Variants in MTMR10 observed in about 807,000 individuals in gnomAD.
The protein encoded by MTMR10 is myotubularin related protein 10, also known as myotubularin-related protein 10.
Under a neutral mutation model 88.1 loss-of-function variants are expected in MTMR10, and 56 were observed. The ratio of observed to expected loss-of-function variants is 0.64; its 90% CI spans 0.51 to 0.79. MTMR10 has a LOEUF of 0.79. Among genes scored for constraint, MTMR10 ranks in the 30% least tolerant of loss-of-function variants. MTMR10 has a pLI of 0.00. For missense variants in MTMR10, 883 were observed against 924.7 expected (o/e 0.95, Z 0.58); for synonymous variants, 380 against 340.9 (o/e 1.11, Z -1.26).
At chr15:30,991,217 G>T (rs2031300594) in intron 1 of MTMR10, 2 of 491,396 alleles carry the variant, frequency 4.1e-6, no homozygotes, top group Non-Finnish European at 7.0e-6. Flanking sequence ...AACTACGGAC[G>T]ACAGAACTTC....
the MTMR10 span, chr15:30,920,404 G>A: frequency 1.8e-5 from 11 of 621,456 alleles, no homozygotes; most frequent in East Asian, 1.8e-4. Context: ...GGTTTGTGGT[G>A]TAGAAAATTG....
Position 30,940,375 on chromosome 15 carries a change from G to C in MTMR10, c.*1095C>G. ...TGGGGGCTGGGGGAGCACTTCTGTC[G>C]CTATTCAAATGGCAGTGTTTTGAGA... On this transcript the variant is annotated 3_prime_UTR_variant, in exon 16 of 16. Coordinates refer to ENST00000435680, the MANE Select transcript of MTMR10 (RefSeq NM_017762.3). 1 of 985,374 alleles carries C rather than the reference G, an allele frequency of 1.0e-6. No homozygotes were observed. The highest frequency in any genetic ancestry group is 1.2e-6 in the Non-Finnish European group (1 of 829,930). 61.0% of individuals were successfully genotyped at this position (985,374 alleles called of 1,614,324 possible).
intron 12 of MTMR10, chr15:30,950,181 T>C (rs1377408919): frequency 6.6e-6 from 1 of 152,206 alleles, no homozygotes; most frequent in Non-Finnish European, 1.5e-5. Context: ...GGTTCTCCAA[T>C]ACGATGAGAA....
At chr15:30,980,303 T>C (rs761000194) in intron 2 of MTMR10, among the ~76,000 whole-genome samples, 9 of 152,232 alleles carry the variant, frequency 5.9e-5, no homozygotes, top group Non-Finnish European at 8.8e-5. Flanking sequence ...TTCTCACCAA[T>C]GAGCTACAGC....
the MTMR10 span, among the ~76,000 whole-genome samples, chr15:30,924,919 G>A: frequency 1.4e-4 from 22 of 152,212 alleles, no homozygotes; most frequent in Non-Finnish European, 3.1e-4. Flanking sequence ...GCTCCAGCAC[G>A]TTGACTGTGA....
the MTMR10 span, among the ~76,000 whole-genome samples, chr15:30,922,770 G>A: frequency 6.6e-6 from 1 of 152,236 alleles, no homozygotes; most frequent in African/African-American, 2.4e-5. Flanking sequence ...GCGAGAAAGC[G>A]TTCCTTTCCC....
Position 30,954,664 on chromosome 15 carries a change from A to G in MTMR10, c.1066+99T>C, listed in dbSNP as rs1056140701. The G allele has an allele frequency of 2.9e-5, 35 of 1,188,848 alleles. No individual in the cohort carries two copies. In the Middle Eastern group the frequency reaches 6.1e-4, roughly 21 times the overall value. 73.6% of individuals were successfully genotyped at this position (1,188,848 alleles called of 1,614,324 possible). A position where few individuals can be genotyped will look rare whatever the true frequency, so the allele number is the denominator to read the frequency against. The stretch of plus-strand genomic sequence containing the variant: ...AAATAGTTCCATAGACTCCTTAAAT[A>G]TATCTATTTCTACATTTTTAAGAAC... On this transcript the variant is annotated intron_variant, in intron 10 of 15. Transcript: ENST00000435680.
downstream of MTMR10, among the ~76,000 whole-genome samples, chr15:30,937,633 G>T (rs1312739158): frequency 6.6e-6 from 1 of 151,520 alleles, no homozygotes; most frequent in African/African-American, 2.4e-5. Context: ...TGTATTTTTA[G>T]TAGAGACGGG....
chr15:30,948,453 A>G lies in MTMR10; in HGVS notation c.1226T>C (p.Leu409Ser), dbSNP rs1265281869. The G allele has an allele frequency of 3.1e-6, 5 of 1,607,540 alleles. No individual in the cohort carries two copies. In the South Asian group the frequency reaches 5.6e-5, roughly 18 times the overall value. Residue 409 changes from leucine to serine, a missense_variant, in exon 13 of 16, where the codon TTG becomes TCG. Coordinates refer to ENST00000435680, the MANE Select transcript of MTMR10 (RefSeq NM_017762.3). ...VVLQEEEGRDLSCCVASLVQV... is the reference protein window; with the variant it reads ...VVLQEEEGRDSSCCVASLVQV... ...AACAAGAGAAGCTACACAACAGCTC[A>G]AGTCTCTTCCTTCCTCCTCTGTTAA...
the MTMR10 span, among the ~76,000 whole-genome samples, chr15:30,931,246 C>T: frequency 6.6e-6 from 1 of 151,718 alleles, no homozygotes; most frequent in Non-Finnish European, 1.5e-5. Context: ...CTTCCTTGAA[C>T]GCTGTCCACT....
Position 30,941,395 on chromosome 15 carries a change from C to A in MTMR10, c.*75G>T. ...CATATAAAGTTATTAGAGATTCAAA[C>A]GCCTAGGTTAGCAATGTTAATTCAG... is the stretch of plus-strand genomic sequence containing the variant. On this transcript the variant is annotated 3_prime_UTR_variant, in exon 16 of 16. Transcript: ENST00000435680. The A allele has an allele frequency of 1.3e-6, 2 of 1,546,784 alleles. No individual in the cohort carries two copies. The highest frequency in any genetic ancestry group is 1.3e-5 in the South Asian group (1 of 79,644).
In MTMR10 at chr15:30,940,159, T is replaced by C; in HGVS notation, c.*1311A>G. On this transcript the variant is annotated 3_prime_UTR_variant, in exon 16 of 16. Coordinates refer to ENST00000435680, the MANE Select transcript of MTMR10 (RefSeq NM_017762.3). ...AAACAGTCAAATTTGAAAGTATCCATGTTTTAAGCGGGGAATGAGGAGTGT... is the reference window on the plus strand; with the variant it reads ...AAACAGTCAAATTTGAAAGTATCCACGTTTTAAGCGGGGAATGAGGAGTGT... The C allele has an allele frequency of 2.0e-6, 2 of 985,466 alleles. No homozygotes were observed. The highest frequency in any genetic ancestry group is 2.4e-6 in the Non-Finnish European group (2 of 829,942). The allele number at this position is 985,466 out of a possible 1,614,324, so 61.0% of individuals were successfully genotyped here. A position where few individuals can be genotyped will look rare whatever the true frequency, so the allele number is the denominator to read the frequency against.
Position 30,990,932 on chromosome 15 carries a change from G to T in MTMR10, c.61-95C>A, listed in dbSNP as rs141246916. On this transcript the variant is annotated intron_variant, in intron 1 of 15. Coordinates refer to ENST00000435680, the MANE Select transcript of MTMR10 (RefSeq NM_017762.3). Reference sequence around the variant, plus strand: ...TTGTTTTCTAAGTGATGACACATGCGAAAGACACACAGCCCCCCATTTAAA... The same window carrying T: ...TTGTTTTCTAAGTGATGACACATGCTAAAGACACACAGCCCCCCATTTAAA... 11 of 1,024,220 alleles carry T rather than the reference G, an allele frequency of 1.1e-5. No homozygotes were observed. In the East Asian group the frequency reaches 2.6e-4, roughly 25 times the overall value. 63.4% of individuals were successfully genotyped at this position (1,024,220 alleles called of 1,614,324 possible). A position where few individuals can be genotyped will look rare whatever the true frequency, so the allele number is the denominator to read the frequency against.
At chr15:30,991,012 A>G (rs1388117381) in intron 1 of MTMR10, among the ~76,000 whole-genome samples, 175 bp from the exon 2 acceptor site, 3 of 152,172 alleles carry the variant, frequency 2.0e-5, no homozygotes, top group Admixed American at 1.3e-4. Context: ...TCGACTTGGA[A>G]GCCTAATAAT....
intron 2 of MTMR10, among the ~76,000 whole-genome samples, chr15:30,981,850 A>G (rs146766232): frequency 2.0e-3 from 311 of 152,258 alleles, no homozygotes; most frequent in African/African-American, 6.7e-3. Context: ...CAGGCAGATC[A>G]CTTGAGGTCA....
intron 6 of MTMR10, among the ~76,000 whole-genome samples, chr15:30,967,692 T>C (rs2063488821): frequency 1.3e-5 from 2 of 152,174 alleles, no homozygotes; most frequent in African/African-American, 2.4e-5. Flanking sequence ...ATATCTGACA[T>C]AACTTATAAG....
chr15:30,955,647 G>C (rs1269634355), intron 9 of MTMR10, among the ~76,000 whole-genome samples: 1 of 148,326 alleles, frequency 6.7e-6, no homozygotes, highest in Non-Finnish European at 1.5e-5. Flanking sequence ...ACACTGCCAA[G>C]GGGGGGGCGG....
chr15:30,990,188 G>A (rs1367711297), intron 2 of MTMR10, among the ~76,000 whole-genome samples: 2 of 152,084 alleles, frequency 1.3e-5, no homozygotes, highest in African/African-American at 2.4e-5. Flanking sequence ...CAACTAGGTC[G>A]CAACTAGGTG....
At chr15:30,926,153 T>C in the MTMR10 span, among the ~76,000 whole-genome samples, 11 of 152,218 alleles carry the variant, frequency 7.2e-5, no homozygotes, top group Non-Finnish European at 1.5e-4. Context: ...TCTGATCTTT[T>C]TTCTTTTATA....
Sources: gnomAD v4.1 joint callset for allele counts (sites outside exome capture counted in the v4.1 genomes callset) on GRCh38, gnomAD v4.1.1 for gene constraint, MANE v1.5 for transcripts, NCBI Gene and HGNC (gene_info 2026-07-23, HGNC 2026-07-21) for gene names.